Variants in LRRK1 observed in about 807,000 individuals in gnomAD.
LRRK1 encodes the protein leucine-rich repeat serine/threonine-protein kinase 1.
In LRRK1, 113 loss-of-function variants were observed where a neutral mutation model predicts 209.1. That is an observed-to-expected ratio of 0.54 (90% CI 0.46 to 0.63). The LOEUF is 0.63. LRRK1 is among the 30% of genes least tolerant of loss of function. The pLI, the probability that LRRK1 is intolerant of heterozygous loss-of-function variation, is 0.00. For synonymous variants in LRRK1, 1,144 were observed against 1,099.7 expected (o/e 1.04, Z -0.80); for missense variants, 2,284 against 2,632.2 (o/e 0.87, Z 2.89).
rs1400544526 is a variant in LRRK1, at chr15:101,071,514, C to T, written c.*2666C>T. On this transcript the variant is annotated 3_prime_UTR_variant, in exon 34 of 34. Transcript: ENST00000388948. The stretch of plus-strand genomic sequence containing the variant: ...AAGCAATTCTCCTGCCTCAGCCTCC[C>T]GAGTAGCTGCGATTACAGGCGTGCA... The T allele has an allele frequency of 4.6e-5, 7 of 152,300 alleles. No individual in the cohort carries two copies. The highest frequency in any genetic ancestry group is 7.2e-5 in the African/African-American group (3 of 41,460). 9.4% of individuals were successfully genotyped at this position (152,300 alleles called of 1,614,324 possible). A position where few individuals can be genotyped will look rare whatever the true frequency, so the allele number is the denominator to read the frequency against.
intron 33 of LRRK1, chr15:101,067,161 T>A (rs1734520562): frequency 2.3e-6 from 1 of 429,308 alleles, no homozygotes; most frequent in African/African-American, 2.0e-5. Flanking sequence ...CCTTGTCATC[T>A]CCAAGCCTGG....
intron 19 of LRRK1, among the ~76,000 whole-genome samples, chr15:101,028,740 C>A (rs559640589): frequency 2.0e-5 from 3 of 152,240 alleles, no homozygotes; most frequent in African/African-American, 7.2e-5. Context: ...GTTACCCAGG[C>A]GGCCATCAGC....
rs769050743 is a variant in LRRK1, at chr15:100,939,619, T to C, written c.97+14890T>C. Among the ~76,000 whole-genome samples, 8 of 152,204 alleles carry C rather than the reference T, an allele frequency of 5.3e-5. No homozygotes were observed. In the South Asian group the frequency reaches 1.0e-3, roughly 20 times the overall value. On this transcript the variant is annotated intron_variant, in intron 2 of 33. Coordinates refer to ENST00000388948, the MANE Select transcript of LRRK1 (RefSeq NM_024652.6). The stretch of plus-strand genomic sequence containing the variant: ...TTTCACACAATGGTTTTATCAGTCA[T>C]TGATGGTTGCTTAGATCAATTATTT...
chr15:101,029,196 C>G lies in LRRK1; in HGVS notation c.2927C>G (p.Ala976Gly). The G allele has an allele frequency of 1.9e-6, 3 of 1,613,434 alleles. No homozygotes were observed. Among genetic ancestry groups the G allele is most frequent in the Non-Finnish European group, 2.5e-6 (3 of 1,179,454 alleles). Residue 976 changes from alanine (A) to glycine (G), a missense_variant, in exon 20 of 34, where the codon GCC becomes GGC. By Grantham distance (60) the Ala-to-Gly change is moderately conservative (BLOSUM62 0). Coordinates refer to ENST00000388948, the MANE Select transcript of LRRK1 (RefSeq NM_024652.6). Reference protein sequence around the residue: ...QTEEQYFQFLAKFEIALPVAN... With the variant: ...QTEEQYFQFLGKFEIALPVAN... ...GAAGAGCAGTACTTCCAGTTCCTGG[C>G]CAAGTTTGAGATCGCCCTGCCCGTC...
At chr15:101,007,179 C>T (rs576680347) in intron 6 of LRRK1, among the ~76,000 whole-genome samples, 13 of 152,328 alleles carry the variant, frequency 8.5e-5, no homozygotes, top group African/African-American at 2.6e-4. Flanking sequence ...CGTCACCTGC[C>T]GCCAATTTTT....
At chr15:101,056,389 C>T (rs181929473) in intron 27 of LRRK1, among the ~76,000 whole-genome samples, 4 of 152,218 alleles carry the variant, frequency 2.6e-5, no homozygotes, top group South Asian at 4.2e-4. Context: ...TGACTAACAG[C>T]AAGTTCTCAG....
chr15:101,017,527 A>G (rs2033597499), intron 12 of LRRK1, among the ~76,000 whole-genome samples: 1 of 152,162 alleles, frequency 6.6e-6, no homozygotes, highest in African/African-American at 2.4e-5. Flanking sequence ...GCGGTGGGCC[A>G]GTGAGCATCA....
intron 4 of LRRK1, among the ~76,000 whole-genome samples, chr15:100,985,248 C>A (rs1268255107): frequency 1.3e-5 from 2 of 152,068 alleles, no homozygotes; most frequent in Admixed American, 1.3e-4. Context: ...TTGGGTGCTC[C>A]TGAGGAGCCA....
chr15:101,029,317 C>T, intron 20 of LRRK1, 85 bp downstream of exon 20: 1 of 1,356,674 alleles, frequency 7.4e-7, no homozygotes. Context: ...GTGGCCTGAA[C>T]AAGATTTCCA....
At chr15:101,052,064 A>G in intron 24 of LRRK1, 104 bp downstream of exon 24, 2 of 1,372,656 alleles carry the variant, frequency 1.5e-6, no homozygotes, top group Non-Finnish European at 2.0e-6. Flanking sequence ...TGGGGCGGGC[A>G]GGTGCCCCGG....
At chr15:101,010,011 C>T (rs1205495188) in intron 7 of LRRK1, among the ~76,000 whole-genome samples, 1 of 152,198 alleles carries the variant, frequency 6.6e-6, no homozygotes, top group Non-Finnish European at 1.5e-5. Flanking sequence ...TTGGGGTAGG[C>T]ATTAATCCAT....
chr15:100,986,998 C>G (rs565007288), intron 4 of LRRK1, among the ~76,000 whole-genome samples: 3 of 152,304 alleles, frequency 2.0e-5, no homozygotes, highest in Admixed American at 2.0e-4. Context: ...TGACACATCC[C>G]CATCTCAACA....
At chr15:101,062,442 C>T (rs113310595) in intron 30 of LRRK1, 132 bp from the exon 31 acceptor site, 12 of 667,990 alleles carry the variant, frequency 1.8e-5, no homozygotes, top group African/African-American at 1.4e-4. Flanking sequence ...CCCACCAGAA[C>T]GTGTCAATCC....
At position 101,046,649 on chromosome 15, in the gene LRRK1, C is replaced by G. The variant is rs769795398; in HGVS notation, c.3135+497C>G. ...AAAAGACACAGACCACACTCCAGAC[C>G]GATTGAATCAGGGTCTTTGAGTGTG... On this transcript the variant is annotated intron_variant, in intron 21 of 33. Transcript: ENST00000388948. Among the ~76,000 whole-genome samples the G allele has an allele frequency of 2.0e-5, 3 of 152,300 alleles. No homozygotes were observed. In the South Asian group the frequency reaches 6.2e-4, roughly 32 times the overall value.
intron 2 of LRRK1, among the ~76,000 whole-genome samples, chr15:100,965,143 TA>T (rs34341290): frequency 0.7 from 106,942 of 152,034 alleles, 37,951 homozygotes; most frequent in Middle Eastern, 0.76. Flanking sequence ...AATTCTGTTT[TA>T]TTACTCTTTC....
At chr15:101,018,459 C>G (rs1390911463) in intron 12 of LRRK1, among the ~76,000 whole-genome samples, 1 of 152,122 alleles carries the variant, frequency 6.6e-6, no homozygotes, top group Non-Finnish European at 1.5e-5. Flanking sequence ...GGTATGAGAA[C>G]AGGAGCTAGT....
intron 20 of LRRK1, among the ~76,000 whole-genome samples, chr15:101,039,689 C>T (rs1161238721): frequency 6.6e-6 from 1 of 152,162 alleles, no homozygotes; most frequent in Non-Finnish European, 1.5e-5. Flanking sequence ...AGTCTTTCAC[C>T]ATCAAGTGTG....
At chr15:101,014,294 T>C in intron 10 of LRRK1, 22 bp from the exon 11 acceptor site, 1 of 1,542,606 alleles carries the variant, frequency 6.5e-7, no homozygotes, top group Non-Finnish European at 8.9e-7. Context: ...TTAGCTTCTC[T>C]CTCCCTCCCT....
chr15:101,002,387 T>C (rs937533427), intron 6 of LRRK1, among the ~76,000 whole-genome samples: 9 of 152,232 alleles, frequency 5.9e-5, no homozygotes, highest in African/African-American at 9.6e-5. Context: ...TCTGAAATCA[T>C]TGCACTGAGC....
Sources: gnomAD v4.1 joint callset for allele counts (sites outside exome capture counted in the v4.1 genomes callset) on GRCh38, gnomAD v4.1.1 for gene constraint, MANE v1.5 for transcripts, NCBI Gene and HGNC (gene_info 2026-07-23, HGNC 2026-07-21) for gene names.